The following DGKG variants were observed in gnomAD, a reference collection of about 807,000 sequenced individuals.
The protein encoded by DGKG is DAG kinase gamma.
A neutral mutation model predicts 105.3 loss-of-function variants in DGKG; 78 were observed. The observed-to-expected ratio is 0.74, with a 90% CI of 0.62 to 0.89. DGKG has a LOEUF of 0.89. Among genes scored for constraint, DGKG ranks in the 40% least tolerant of loss-of-function variants. The probability of loss-of-function intolerance (pLI) is 0.00; values close to 1 mark genes in which losing one functional copy is unlikely to be tolerated. For missense variants in DGKG, 958 were observed against 1,020.1 expected, an observed-to-expected ratio of 0.94 and a Z score of 0.83; for synonymous variants, 346 against 367.1, an observed-to-expected ratio of 0.94 and a Z score of 0.66.
At position 186,320,448 on chromosome 3, in the gene DGKG, T is replaced by C. The variant is rs199714619; in HGVS notation, c.12A>G (p.Glu4=). 1 of 1,614,204 alleles carries C rather than the reference T, an allele frequency of 6.2e-7. No individual in the cohort carries two copies. Among genetic ancestry groups the C allele is most frequent in the African/African-American group, 1.3e-5 (1 of 75,050 alleles). The part of the protein sequence containing the change: MGE[E]RWVSLTPEEF... ...CTTCTGGAGTGAGGGAGACCCACCGTTCTTCACCCATTTTTAAACTTTATG... is the reference window on the plus strand; with the variant it reads ...CTTCTGGAGTGAGGGAGACCCACCGCTCTTCACCCATTTTTAAACTTTATG... The change falls in exon 2 of 25, where the codon GAA becomes GAG. Residue 4 remains glutamate, a synonymous_variant. Transcript: ENST00000265022.
chr3:186,297,057 G>GTC (rs1311301538), intron 5 of DGKG, among the ~76,000 whole-genome samples: 2,442 of 80,890 alleles, frequency 0.03, 85 homozygotes, highest in African/African-American at 0.13. Flanking sequence ...CTGTCTGTCT[G>GTC]TCTGTCTCTC....
At chr3:186,260,739 C>A (rs1242605954) in intron 15 of DGKG, among the ~76,000 whole-genome samples, 1 of 152,238 alleles carries the variant, frequency 6.6e-6, no homozygotes. Flanking sequence ...CCAACCTAGA[C>A]TCCAGCTCCT....
rs983291969 is a variant in DGKG at position 186,257,938 on chromosome 3, A to C, written c.1426T>G (p.Leu476Val). ...NLDNGGPTPG[L>V]NFFRDTPDFR... ...TCTGGAGTATCACGGAAAAAGTTCA[A>C]CCTGGGAAGAAGAAGAAAGGCCAAA... Residue 476 changes from leucine to valine, a missense_variant and splice_region_variant, in exon 17 of 25, where the codon TTG becomes GTG. This residue lies in a region of DGKG where 643 missense variants were observed against 619.5 expected (regional missense o/e 1.04). Transcript: ENST00000265022. 1 of 1,613,898 alleles carries C rather than the reference A, an allele frequency of 6.2e-7. No homozygotes were observed. Among genetic ancestry groups the C allele is most frequent in the Non-Finnish European group, 8.5e-7 (1 of 1,179,796 alleles).
intron 20 of DGKG, among the ~76,000 whole-genome samples, chr3:186,227,450 T>C (rs1719912088): frequency 6.6e-6 from 1 of 152,210 alleles, no homozygotes; most frequent in Admixed American, 6.5e-5. Flanking sequence ...TCAGTTCTTT[T>C]GATGCTGAAT....
chr3:186,323,788 T>A (rs961749976), intron 1 of DGKG, among the ~76,000 whole-genome samples: 3 of 151,840 alleles, frequency 2.0e-5, no homozygotes, highest in Non-Finnish European at 2.9e-5. Context: ...CACAAAAAAA[T>A]TAGCCAGGCG....
intron 5 of DGKG, 89 bp downstream of exon 5, chr3:186,297,332 G>C (rs1327700146): frequency 1.0e-6 from 1 of 978,242 alleles, no homozygotes; most frequent in Non-Finnish European, 1.7e-6. Context: ...ATTATATGAA[G>C]ACAGCACTGT....
intron 21 of DGKG, among the ~76,000 whole-genome samples, chr3:186,209,101 T>C (rs1404647803): frequency 6.8e-6 from 1 of 146,420 alleles, no homozygotes; most frequent in Admixed American, 6.8e-5. Flanking sequence ...TTCTTTTTTT[T>C]TTTTTTTTTT....
At position 186,210,699 on chromosome 3, in the gene DGKG, C is replaced by T. The variant is rs752259757; in HGVS notation, c.1917+1096G>A. 14 of 439,214 alleles carry T rather than the reference C, an allele frequency of 3.2e-5. No individual in the cohort carries two copies. The highest frequency in any genetic ancestry group is 1.4e-3 in the Middle Eastern group (2 of 1,434). 27.2% of individuals were successfully genotyped at this position (439,214 alleles called of 1,614,324 possible). ...CCACTCCAGGCCACAGGTGCCTCCT[C>T]CAGGGAGGCCCAGGCCCCACTGGAC... On this transcript the variant is annotated intron_variant, in intron 21 of 24. Transcript: ENST00000265022. The surrounding 1 kb of genome is among the most constrained non-coding windows in gnomAD (Gnocchi z 5.2).
intron 19 of DGKG, among the ~76,000 whole-genome samples, chr3:186,246,505 CT>C (rs1381646341): frequency 2.0e-5 from 3 of 152,120 alleles, no homozygotes; most frequent in Non-Finnish European, 1.5e-5. Flanking sequence ...GTCTAAGTCA[CT>C]TTGGCAATTT....
rs1725024611 is a variant in DGKG at position 186,320,399 on chromosome 3, A to T, written c.61T>A (p.Ser21Thr). 1 of 1,614,118 alleles carries T rather than the reference A, an allele frequency of 6.2e-7. No individual in the cohort carries two copies. Among genetic ancestry groups the T allele is most frequent in the East Asian group, 2.2e-5 (1 of 44,886 alleles). The change falls in exon 2 of 25, where the codon TCA becomes ACA. Residue 21 changes from serine (S) to threonine (T), a missense_variant. Ser to Thr is a moderately conservative substitution (Grantham distance 58). Coordinates refer to ENST00000265022, the MANE Select transcript of DGKG (RefSeq NM_001346.3). ...TGTCAATGCATTTACTCACATTCTG[A>T]ATATTTCTGGAGTTGGTCAAATTCT... is the stretch of plus-strand genomic sequence containing the variant. Reference protein sequence around the residue: ...PEEFDQLQKYSEYSSKKIKDA... With the variant: ...PEEFDQLQKYTEYSSKKIKDA...
intron 14 of DGKG, among the ~76,000 whole-genome samples, chr3:186,264,021 C>T (rs1045147682): frequency 2.0e-5 from 3 of 152,218 alleles, no homozygotes; most frequent in African/African-American, 4.8e-5. Flanking sequence ...GAGGAATAAA[C>T]CCTCACCTCT....
intron 22 of DGKG, among the ~76,000 whole-genome samples, chr3:186,174,480 A>G (rs1716977099): frequency 6.6e-6 from 1 of 152,174 alleles, no homozygotes; most frequent in African/African-American, 2.4e-5. Context: ...GATTCTGAAA[A>G]AGAGAAAGGC....
intron 1 of DGKG, among the ~76,000 whole-genome samples, chr3:186,333,855 CGT>C (rs377040487): frequency 2.0e-5 from 3 of 151,966 alleles, no homozygotes; most frequent in Admixed American, 2.0e-4. Flanking sequence ...GTGGTATGTA[CGT>C]GTGTGTGTGT....
intron 14 of DGKG, among the ~76,000 whole-genome samples, chr3:186,263,180 C>A (rs13060323): frequency 6.0e-5 from 9 of 149,954 alleles, no homozygotes; most frequent in African/African-American, 1.2e-4. Flanking sequence ...ACCACCACCA[C>A]CAACAAAAAC....
chr3:186,260,974 G>C (rs757754010), intron 15 of DGKG, among the ~76,000 whole-genome samples: 6 of 152,182 alleles, frequency 3.9e-5, no homozygotes, highest in Non-Finnish European at 8.8e-5. Context: ...AAACGCAGGA[G>C]GTGGTGTTGG....
chr3:186,333,312 C>T (rs1418930045), intron 1 of DGKG, among the ~76,000 whole-genome samples: 2 of 152,132 alleles, frequency 1.3e-5, no homozygotes, highest in African/African-American at 4.8e-5. Context: ...CACTGCTTTA[C>T]ATTAATGTAA....
chr3:186,220,833 G>A (rs897899598), intron 20 of DGKG, among the ~76,000 whole-genome samples: 2 of 152,172 alleles, frequency 1.3e-5, no homozygotes, highest in African/African-American at 4.8e-5. Flanking sequence ...CCTCTGAACA[G>A]TGACCCTTCT....
intron 1 of DGKG, among the ~76,000 whole-genome samples, chr3:186,352,849 A>G (rs2108674899): frequency 6.6e-6 from 1 of 152,224 alleles, no homozygotes; most frequent in Middle Eastern, 3.4e-3. Context: ...CTCTAATGTT[A>G]AAATGTGGCC....
intron 20 of DGKG, among the ~76,000 whole-genome samples, chr3:186,222,622 C>T (rs576000694): frequency 7.6e-4 from 116 of 152,234 alleles, no homozygotes; most frequent in African/African-American, 2.6e-3. Flanking sequence ...GCGGGCGGAT[C>T]ACTTGAGGTC....
Sources: gnomAD v4.1 joint callset for allele counts (sites outside exome capture counted in the v4.1 genomes callset) on GRCh38, gnomAD v4.1.1 for gene constraint, gnomAD v4.1.1 regional missense constraint, Gnocchi (gnomAD v3.1) non-coding constraint, MANE v1.5 for transcripts, NCBI Gene and HGNC (gene_info 2026-07-23, HGNC 2026-07-21) for gene names.